The following HTR2C variants were observed in gnomAD, a reference collection of about 807,000 sequenced individuals.
HTR2C encodes 5-hydroxytryptamine receptor 2C, also known as 5-hydroxytryptamine (serotonin) receptor 2C, G protein-coupled.
HTR2C carries 5 observed loss-of-function variants against 21.0 expected under a neutral mutation model. That is an observed-to-expected ratio of 0.24 (90% confidence interval 0.12 to 0.50). The LOEUF is 0.50. Among genes scored for constraint, HTR2C ranks in the 20% least tolerant of loss-of-function variants. The pLI is 0.98. For synonymous variants in HTR2C, 150 were observed against 145.3 expected, an observed-to-expected ratio of 1.03 and a Z score of -0.23; for missense variants, 271 against 371.2, an observed-to-expected ratio of 0.73 and a Z score of 2.22.
In HTR2C at chrX:114,670,552, A is replaced by G. The variant is rs782723834; in HGVS notation, c.-79-56306A>G. 1.8e-3 allele frequency among the ~76,000 whole-genome samples: 201 copies of G among 112,397 alleles called. 1 individual carries two copies. Among genetic ancestry groups the G allele is most frequent in the Non-Finnish European group, 3.1e-3 (164 of 53,306 alleles). ...TGACATTTGGCCAAATGCAAAATGCATTCTTATCCTGAAATAAGCAATTAA... is the reference window on the plus strand; with the variant it reads ...TGACATTTGGCCAAATGCAAAATGCGTTCTTATCCTGAAATAAGCAATTAA... On this transcript the variant is annotated intron_variant, in intron 2 of 5. Coordinates refer to ENST00000276198, the MANE Select transcript of HTR2C (RefSeq NM_000868.4).
rs781822225 is a variant in HTR2C at position 114,722,501 on chromosome X, T to C, written c.-79-4357T>C. On this transcript the variant is annotated intron_variant, in intron 2 of 5. Coordinates refer to ENST00000276198, the MANE Select transcript of HTR2C (RefSeq NM_000868.4). ...GTCCTCTTTTCCTAATTGAATACCC[T>C]TTATTTCCTTCTCCTGCCTGATCGC... Among the ~76,000 whole-genome samples, 39 of 111,225 alleles carry C rather than the reference T, an allele frequency of 3.5e-4. No homozygotes were observed. In the East Asian group the frequency reaches 9.7e-3, roughly 28 times the overall value.
chrX:114,858,758 T>A (rs57672938), intron 5 of HTR2C, among the ~76,000 whole-genome samples: 1,443 of 111,245 alleles, frequency 0.013, 19 homozygotes, highest in African/African-American at 0.043. Flanking sequence ...GACATCTTTT[T>A]TTTTTAGTGG....
rs1007778271 is a variant in HTR2C at position 114,730,742 on chromosome X, C to T, written c.36-552C>T. Among the ~76,000 whole-genome samples the T allele has an allele frequency of 3.6e-5, 4 of 111,401 alleles. No individual in the cohort carries two copies. The East Asian group carries it at 1.1e-3, about 31-fold the overall frequency. On this transcript the variant is annotated intron_variant, in intron 3 of 5. Transcript: ENST00000276198. Reference sequence around the variant, plus strand: ...GGTCATGGATGCTTTAAGAAAATCCCCCTTCATTCTGTTATCAGCTGTCTC... The same window carrying T: ...GGTCATGGATGCTTTAAGAAAATCCTCCTTCATTCTGTTATCAGCTGTCTC...
chrX:114,900,458 A>G lies in HTR2C; in HGVS notation c.551-6131A>G, dbSNP rs7059897. Reference sequence around the variant, plus strand: ...ATAATCAAGATATGATGTCTATCTCATATCATAAAGAGCAAAATGACTCAG... The same window carrying G: ...ATAATCAAGATATGATGTCTATCTCGTATCATAAAGAGCAAAATGACTCAG... On this transcript the variant is annotated intron_variant, in intron 5 of 5. Transcript: ENST00000276198. 618 of 169,869 alleles carry G rather than the reference A, an allele frequency of 3.6e-3. 5 individuals carry two copies. The highest frequency in any genetic ancestry group is 0.018 in the African/African-American group (589 of 31,956). The allele number at this position is 169,869 out of a possible 1,213,427, so 14.0% of individuals were successfully genotyped here.
At chrX:114,661,242 C>T (rs1930975303) in intron 2 of HTR2C, among the ~76,000 whole-genome samples, 1 of 111,147 alleles carries the variant, frequency 9.0e-6, no homozygotes. Flanking sequence ...ATCACAAGGT[C>T]AGGAGATCGA....
At chrX:114,836,599 A>G (rs981784216) in intron 4 of HTR2C, among the ~76,000 whole-genome samples, 1 of 111,485 alleles carries the variant, frequency 9.0e-6, no homozygotes, top group Non-Finnish European at 1.9e-5. Context: ...ACCTGCGCCC[A>G]CTGTCTGTTA....
chrX:114,622,715 A>C (rs1411178832), intron 2 of HTR2C, among the ~76,000 whole-genome samples: 2 of 112,228 alleles, frequency 1.8e-5, no homozygotes, highest in Non-Finnish European at 3.8e-5. Context: ...CAAAATAGGC[A>C]ATACATCTGC....
chrX:114,827,263 G>A (rs1351931418), intron 4 of HTR2C, among the ~76,000 whole-genome samples: 1 of 110,602 alleles, frequency 9.0e-6, no homozygotes, highest in Non-Finnish European at 1.9e-5. Context: ...TGGGATTTCA[G>A]GTTTTCAGAT....
At chrX:114,860,244 C>G (rs1440390828) in intron 5 of HTR2C, among the ~76,000 whole-genome samples, 1 of 111,206 alleles carries the variant, frequency 9.0e-6, no homozygotes, top group Non-Finnish European at 1.9e-5. Context: ...ATTTGTCTAT[C>G]TCTCCTTTTA....
chrX:114,816,451 TAGTTA>T (rs1556454564), intron 4 of HTR2C, among the ~76,000 whole-genome samples: 2 of 108,998 alleles, frequency 1.8e-5, no homozygotes, highest in Non-Finnish European at 3.8e-5. Context: ...AAAAAAAAAA[TAGTTA>T]ACTCATGCTA....
At chrX:114,638,783 T>TA (rs1173818845) in intron 2 of HTR2C, among the ~76,000 whole-genome samples, 1 of 100,792 alleles carries the variant, frequency 9.9e-6, no homozygotes, top group African/African-American at 3.6e-5. Flanking sequence ...GTGTTTGGTT[T>TA]TTTGTTCTTG....
At chrX:114,804,810 G>A (rs1482290960) in intron 4 of HTR2C, among the ~76,000 whole-genome samples, 1 of 111,607 alleles carries the variant, frequency 9.0e-6, no homozygotes, top group African/African-American at 3.2e-5. Flanking sequence ...TCTGGTGTCT[G>A]CTTCCTCTAC....
chrX:114,794,980 T>C (rs1368723868), intron 4 of HTR2C, among the ~76,000 whole-genome samples: 4 of 108,817 alleles, frequency 3.7e-5, no homozygotes, highest in African/African-American at 1.3e-4. Flanking sequence ...TGAACTAGTT[T>C]ACAGTCCCAC....
At chrX:114,724,202 G>A (rs1452153087) in intron 2 of HTR2C, among the ~76,000 whole-genome samples, 1 of 87,604 alleles carries the variant, frequency 1.1e-5, no homozygotes, top group Admixed American at 1.4e-4. Flanking sequence ...GGGTGCTCCT[G>A]TATCGGGTGC....
At chrX:114,841,680 G>T (rs781946394) in intron 4 of HTR2C, among the ~76,000 whole-genome samples, 1 of 110,116 alleles carries the variant, frequency 9.1e-6, no homozygotes, top group Non-Finnish European at 1.9e-5. Context: ...GGCAGAGCTT[G>T]CAGTGAGGGG....
At chrX:114,674,517 A>G (rs782617069) in intron 2 of HTR2C, among the ~76,000 whole-genome samples, 3 of 111,277 alleles carry the variant, frequency 2.7e-5, no homozygotes, top group Admixed American at 1.9e-4. Flanking sequence ...TCTACTTCAG[A>G]TGTTTATTTT....
chrX:114,823,368 A>G (rs113323190), intron 4 of HTR2C: 129 of 333,248 alleles, frequency 3.9e-4, no homozygotes, highest in Middle Eastern at 5.1e-4. Context: ...CTTTCATGAC[A>G]GCATTTACAC....
intron 1 of HTR2C, among the ~76,000 whole-genome samples, chrX:114,606,781 A>C (rs1005398897): frequency 8.9e-6 from 1 of 111,874 alleles, no homozygotes; most frequent in Non-Finnish European, 1.9e-5. Flanking sequence ...GATCCAAGTC[A>C]CAGCACCAAA....
chrX:114,787,005 C>T (rs782073686), intron 4 of HTR2C, among the ~76,000 whole-genome samples: 21 of 111,614 alleles, frequency 1.9e-4, no homozygotes, highest in Admixed American at 5.7e-4. Flanking sequence ...TGGCACAAAA[C>T]ACAGGCGACT....
Sources: gnomAD v4.1 joint callset for allele counts (sites outside exome capture counted in the v4.1 genomes callset) on GRCh38, gnomAD v4.1.1 for gene constraint, MANE v1.5 for transcripts, NCBI Gene and HGNC (gene_info 2026-07-23, HGNC 2026-07-21) for gene names.